Variants in DIP2C observed in about 807,000 individuals in gnomAD.
DIP2C encodes the protein DIP2 acetate--CoA ligase C (putative).
A neutral mutation model predicts 192.4 loss-of-function variants in DIP2C; 33 were observed. That is an observed-to-expected ratio of 0.17 (90% CI 0.13 to 0.23). The LOEUF is 0.23. Ranked by LOEUF, DIP2C falls within the 10% of genes least tolerant of loss-of-function variation. The pLI is 1.00. For synonymous variants in DIP2C, 979 were observed against 864.1 expected, an observed-to-expected ratio of 1.13 and a Z score of -2.33; for missense variants, 1,537 against 2,110.1, an observed-to-expected ratio of 0.73 and a Z score of 5.32.
chr10:446,640 G>A (rs1382046670), intron 3 of DIP2C, among the ~76,000 whole-genome samples: 1 of 152,226 alleles, frequency 6.6e-6, no homozygotes, highest in Non-Finnish European at 1.5e-5. Context: ...GAATGGCCAT[G>A]ATCCCCTGAC....
intron 2 of DIP2C, among the ~76,000 whole-genome samples, chr10:482,649 G>C (rs1004536962): frequency 6.6e-5 from 10 of 152,204 alleles, no homozygotes. Flanking sequence ...GTTGCTGTGA[G>C]AAAGAGGAGC....
At chr10:582,482 C>G (rs1372824617) in intron 1 of DIP2C, among the ~76,000 whole-genome samples, 2 of 152,188 alleles carry the variant, frequency 1.3e-5, no homozygotes, top group Non-Finnish European at 2.9e-5. Context: ...ACTTGGGGGA[C>G]TGAGGTGGGA....
chr10:288,273 A>G (rs1955257381), intron 33 of DIP2C, 91 bp downstream of exon 33: 1 of 1,263,958 alleles, frequency 7.9e-7, no homozygotes, highest in Non-Finnish European at 1.1e-6. Flanking sequence ...TGGAAAAAAC[A>G]TTCTAAAAAA....
At chr10:340,602 T>G (rs971881695) in intron 29 of DIP2C, 1 of 358,906 alleles carries the variant, frequency 2.8e-6, no homozygotes, top group African/African-American at 2.1e-5. Context: ...TTTCTATAAT[T>G]TCTACAATGA....
At chr10:599,744 CCT>C (rs1491294876) in intron 1 of DIP2C, among the ~76,000 whole-genome samples, 1 of 149,798 alleles carries the variant, frequency 6.7e-6, no homozygotes, top group East Asian at 1.9e-4. Context: ...CCCAACGGGC[CCT>C]TTTTTAAGAT....
At chr10:377,790 T>G (rs1961807785) in intron 17 of DIP2C, among the ~76,000 whole-genome samples, 1 of 152,212 alleles carries the variant, frequency 6.6e-6, no homozygotes, top group African/African-American at 2.4e-5. Flanking sequence ...TTGGATACTT[T>G]CAAAAACTAG....
At chr10:619,404 G>A (rs1853690568) in intron 1 of DIP2C, among the ~76,000 whole-genome samples, 2 of 152,188 alleles carry the variant, frequency 1.3e-5, no homozygotes, top group Admixed American at 1.3e-4. Context: ...AGCCTCTAGA[G>A]GCTTCCGCAT....
At chr10:425,591 A>G (rs1444350260) in intron 4 of DIP2C, among the ~76,000 whole-genome samples, 1 of 145,020 alleles carries the variant, frequency 6.9e-6, no homozygotes, top group Admixed American at 6.9e-5. Context: ...CTAATATGAA[A>G]TGGATGCAGC....
In DIP2C at chr10:518,832, G is replaced by A. The variant is rs79358965; in HGVS notation, c.86-32302C>T. 3.2e-3 allele frequency among the ~76,000 whole-genome samples: 492 copies of A among 152,212 alleles called. 19 individuals carry two copies. In the East Asian group the frequency reaches 0.086, roughly 27 times the overall value. On this transcript the variant is annotated intron_variant, in intron 1 of 36. Coordinates refer to ENST00000280886, the MANE Select transcript of DIP2C (RefSeq NM_014974.3). ...ATTAAAATCCCTGTCTCTCCTCACC[G>A]CCACCACAGATCCCACCTCCAGCAG...
rs188233540 is a variant in DIP2C at position 384,754 on chromosome 10, G to A, written c.1663-115C>T. On this transcript the variant is annotated intron_variant, in intron 14 of 36. Coordinates refer to ENST00000280886, the MANE Select transcript of DIP2C (RefSeq NM_014974.3). The stretch of plus-strand genomic sequence containing the variant: ...GGGCAGGGGGGAGCTCTCAGGGAGC[G>A]CTGCAGACACCATGCACACAGGCCC... 1,108 of 1,007,800 alleles carry A rather than the reference G, an allele frequency of 1.1e-3. 14 individuals carry two copies. The East Asian group carries it at 0.02, about 18-fold the overall frequency. 62.4% of individuals were successfully genotyped at this position (1,007,800 alleles called of 1,614,324 possible).
intron 1 of DIP2C, among the ~76,000 whole-genome samples, chr10:673,589 G>A (rs1429482515): frequency 1.3e-5 from 2 of 152,168 alleles, no homozygotes; most frequent in African/African-American, 2.4e-5. Context: ...AATTCCTGCA[G>A]AAGACGGGGC....
intron 3 of DIP2C, among the ~76,000 whole-genome samples, chr10:458,093 C>T (rs1416860024): frequency 4.6e-5 from 7 of 152,096 alleles, no homozygotes; most frequent in Admixed American, 1.3e-4. Flanking sequence ...TGTAAAAGGC[C>T]CCACAAGGCT....
chr10:643,253 G>A (rs1415444525), intron 1 of DIP2C, among the ~76,000 whole-genome samples: 4 of 142,386 alleles, frequency 2.8e-5, no homozygotes, highest in African/African-American at 1.1e-4. Flanking sequence ...GGTGGCTCAG[G>A]CCTGTAATCC....
intron 1 of DIP2C, among the ~76,000 whole-genome samples, chr10:487,587 T>TTG (rs1564778147): frequency 1.0e-4 from 14 of 139,600 alleles, no homozygotes; most frequent in African/African-American, 3.7e-4. Flanking sequence ...TTTTTTTTTT[T>TTG]TTTTTTTTTT....
At chr10:658,763 T>C (rs1034183324) in intron 1 of DIP2C, among the ~76,000 whole-genome samples, 1 of 152,240 alleles carries the variant, frequency 6.6e-6, no homozygotes, top group African/African-American at 2.4e-5. Context: ...CCATTTAACA[T>C]ATATTTAACC....
chr10:484,816 G>A (rs753655845), intron 2 of DIP2C: 2 of 1,611,414 alleles, frequency 1.2e-6, no homozygotes. Flanking sequence ...GTTCCCTGCG[G>A]TGCTGGCCAC....
chr10:298,735 GCAAGGTGA>G (rs914446113), intron 32 of DIP2C, among the ~76,000 whole-genome samples: 2 of 152,236 alleles, frequency 1.3e-5, no homozygotes, highest in Non-Finnish European at 2.9e-5. Context: ...GGGCAGAGAA[GCAAGGTGA>G]CAAGGGGACT....
chr10:398,337 G>T (rs1040776595), intron 10 of DIP2C, among the ~76,000 whole-genome samples: 1 of 152,148 alleles, frequency 6.6e-6, no homozygotes, highest in African/African-American at 2.4e-5. Context: ...ATTGATTTCA[G>T]GGCTTTAGAT....
chr10:435,988 CAATTAA>C (rs1967153359), intron 4 of DIP2C, among the ~76,000 whole-genome samples: 1 of 151,744 alleles, frequency 6.6e-6, no homozygotes, highest in African/African-American at 2.4e-5. Context: ...TAAACAGGTA[CAATTAA>C]TTTTATTAAT....
Sources: allele counts gnomAD v4.1 joint callset (sites outside exome capture counted in the v4.1 genomes callset), GRCh38; gene constraint gnomAD v4.1.1; transcripts MANE v1.5; gene names NCBI Gene and HGNC (gene_info 2026-07-23, HGNC 2026-07-21).